Variants in USP26 observed in about 807,000 individuals in gnomAD.
USP26 encodes ubiquitin carboxyl-terminal hydrolase 26.
For missense variants in USP26, 649 were observed against 642.3 expected (o/e 1.01, Z -0.11); for synonymous variants, 236 against 240.6 (o/e 0.98, Z 0.18).
chrX:133,048,059 A>T (rs2067446486), intron 5 of USP26, among the ~76,000 whole-genome samples: 1 of 111,258 alleles, frequency 9.0e-6, no homozygotes, highest in Admixed American at 9.6e-5. Context: ...TCTTTACCTA[A>T]TTTTAATCAA....
intron 5 of USP26, among the ~76,000 whole-genome samples, chrX:133,046,632 CGAGAGA>C (rs34047132): frequency 1.7e-4 from 18 of 104,451 alleles, no homozygotes; most frequent in South Asian, 8.6e-4. Flanking sequence ...GTGTGTGAGA[CGAGAGA>C]GAGAGAGAGA....
intron 5 of USP26, among the ~76,000 whole-genome samples, chrX:133,049,561 G>A (rs139170077): frequency 1.5e-4 from 17 of 112,143 alleles, no homozygotes; most frequent in South Asian, 7.4e-4. Context: ...CTTCCTTGCT[G>A]AGTGCTTGAA....
intron 5 of USP26, among the ~76,000 whole-genome samples, chrX:133,069,675 T>C (rs2067524421): frequency 9.0e-6 from 1 of 111,586 alleles, no homozygotes; most frequent in Admixed American, 9.6e-5. Context: ...CATAGGCTTA[T>C]GGGTTTGAAC....
At chrX:133,055,514 A>C (rs2067472159) in intron 5 of USP26, among the ~76,000 whole-genome samples, 1 of 111,364 alleles carries the variant, frequency 9.0e-6, no homozygotes, top group Non-Finnish European at 1.9e-5. Context: ...GTAAACACCA[A>C]GCTTCCACTG....
intron 5 of USP26, among the ~76,000 whole-genome samples, chrX:133,083,456 G>A (rs1014939187): frequency 4.9e-5 from 1 of 20,370 alleles, no homozygotes; most frequent in Non-Finnish European, 7.7e-5. Flanking sequence ...AAAATCCAAG[G>A]AAACAGGACT....
intron 4 of USP26, among the ~76,000 whole-genome samples, chrX:133,085,237 T>C (rs1484131017): frequency 8.9e-6 from 1 of 112,198 alleles, no homozygotes; most frequent in Non-Finnish European, 1.9e-5. Context: ...GCCTGGCCCA[T>C]TGCGTCATTC....
At chrX:133,069,392 A>G (rs2067523477) in intron 5 of USP26, among the ~76,000 whole-genome samples, 2 of 111,384 alleles carry the variant, frequency 1.8e-5, no homozygotes, top group African/African-American at 3.3e-5. Context: ...TGGAGTCACA[A>G]TTATGAATGA....
Position 133,023,531 on chromosome X carries a change from G to A in USP26, c.*1948C>T, listed in dbSNP as rs983905207. On this transcript the variant is annotated 3_prime_UTR_variant, in exon 6 of 6. Coordinates refer to ENST00000511190, the MANE Select transcript of USP26 (RefSeq NM_031907.3). ...AAAACTGAAATTTAGAAACCAAACT[G>A]TCACTCTCCTCTAAATGCAACTCCA... 9.0e-6 allele frequency among the ~76,000 whole-genome samples: 1 copy of A among 111,561 alleles called. No homozygotes were observed. Among genetic ancestry groups the A allele is most frequent in the Non-Finnish European group, 1.9e-5 (1 of 53,142 alleles).
intron 5 of USP26, among the ~76,000 whole-genome samples, chrX:133,043,879 T>A (rs1259879889): frequency 9.0e-6 from 1 of 111,503 alleles, no homozygotes; most frequent in African/African-American, 3.3e-5. Flanking sequence ...TGGGCCTGTG[T>A]TACAAAAAAC....
chrX:133,089,563 A>G (rs2067600527), intron 4 of USP26, among the ~76,000 whole-genome samples: 1 of 111,837 alleles, frequency 8.9e-6, no homozygotes, highest in Non-Finnish European at 1.9e-5. Context: ...AGAAGACAGT[A>G]TAATCTATGA....
At chrX:133,081,488 G>A (rs901922182) in intron 5 of USP26, among the ~76,000 whole-genome samples, 1 of 109,829 alleles carries the variant, frequency 9.1e-6, no homozygotes, top group African/African-American at 3.3e-5. Context: ...TAGAGATGGG[G>A]TTTCACCTTG....
At chrX:133,038,234 C>A in intron 5 of USP26, among the ~76,000 whole-genome samples, 1 of 111,426 alleles carries the variant, frequency 9.0e-6, no homozygotes. Flanking sequence ...GCATCCTTGT[C>A]TTCTGCTGGT....
At chrX:133,095,050 G>T (rs769687365) in intron 1 of USP26, among the ~76,000 whole-genome samples, 1 of 97,918 alleles carries the variant, frequency 1.0e-5, no homozygotes, top group Non-Finnish European at 2.0e-5. Flanking sequence ...AGCTGGGATC[G>T]TGCCACTGCG....
At chrX:133,044,346 C>T (rs145119409) in intron 5 of USP26, among the ~76,000 whole-genome samples, 3,935 of 113,163 alleles carry the variant, frequency 0.035, 98 homozygotes, top group East Asian at 0.1. Context: ...AGGCCAGAGC[C>T]GGCTCCCTCA....
chrX:133,085,280 A>G (rs2067584991), intron 4 of USP26, among the ~76,000 whole-genome samples: 1 of 112,065 alleles, frequency 8.9e-6, no homozygotes, highest in Admixed American at 9.5e-5. Flanking sequence ...CTTAGCTCCC[A>G]CTTATGCATG....
intron 5 of USP26, among the ~76,000 whole-genome samples, chrX:133,072,967 G>C (rs1403014607): frequency 8.9e-6 from 1 of 111,960 alleles, no homozygotes; most frequent in Non-Finnish European, 1.9e-5. Context: ...ACAGTTTTCT[G>C]AAAAAGTATT....
intron 5 of USP26, among the ~76,000 whole-genome samples, chrX:133,071,350 T>C (rs762603236): frequency 1.3e-4 from 14 of 111,298 alleles, no homozygotes; most frequent in Non-Finnish European, 2.6e-4. Flanking sequence ...ACAAGTTTAC[T>C]AAGAGCTTTT....
At chrX:133,041,703 C>T (rs1047521778) in intron 5 of USP26, among the ~76,000 whole-genome samples, 1 of 112,615 alleles carries the variant, frequency 8.9e-6, no homozygotes, top group African/African-American at 3.2e-5. Context: ...CAGTCTGTCC[C>T]TTAGCAGAGC....
rs769471201 is a variant in USP26 at position 133,046,777 on chromosome X, C to T, written c.-76-18481G>A. 9.8e-5 allele frequency among the ~76,000 whole-genome samples: 11 copies of T among 112,306 alleles called. No homozygotes were observed. In the East Asian group the frequency reaches 3.1e-3, roughly 32 times the overall value. ...ACAAAAACAGGGCTCTCAGCTCAGT[C>T]ACCTTTGGAAAAAAAGGAACCCATA... is the stretch of plus-strand genomic sequence containing the variant. On this transcript the variant is annotated intron_variant, in intron 5 of 5. Transcript: ENST00000511190.
Sources: allele counts gnomAD v4.1 joint callset (sites outside exome capture counted in the v4.1 genomes callset), GRCh38; gene constraint gnomAD v4.1.1; transcripts MANE v1.5; gene names NCBI Gene and HGNC (gene_info 2026-07-23, HGNC 2026-07-21).